Variants in CSMD1 observed in about 807,000 individuals in gnomAD.
CSMD1 encodes CUB and sushi domain-containing protein 1.
CSMD1 carries 213 observed loss-of-function variants against 417.5 expected under a neutral mutation model. The observed-to-expected ratio is 0.51, with a 90% confidence interval of 0.46 to 0.57. CSMD1 has a LOEUF of 0.57. Ranked by LOEUF, CSMD1 falls within the 20% of genes least tolerant of loss-of-function variation. The pLI, the probability that CSMD1 is intolerant of heterozygous loss-of-function variation, is 0.00. For missense variants in CSMD1, 6,923 were observed against 4,529.7 expected, an observed-to-expected ratio of 1.53 and a Z score of -15.17; for synonymous variants, 2,862 against 1,736.8, an observed-to-expected ratio of 1.65 and a Z score of -16.11.
intron 3 of CSMD1, among the ~76,000 whole-genome samples, chr8:4,160,655 T>G (rs145493242): frequency 6.6e-6 from 1 of 152,246 alleles, no homozygotes; most frequent in East Asian, 1.9e-4. Context: ...TGTACTTGTG[T>G]GTGCACAGAC....
chr8:4,138,817 C>T (rs1803598072), intron 3 of CSMD1, among the ~76,000 whole-genome samples: 1 of 151,806 alleles, frequency 6.6e-6, no homozygotes. Context: ...TATTTTTTTG[C>T]CCCTGAGGCA....
intron 3 of CSMD1, among the ~76,000 whole-genome samples, chr8:4,352,819 G>A (rs760406983): frequency 1.3e-5 from 2 of 152,142 alleles, no homozygotes; most frequent in Non-Finnish European, 2.9e-5. Context: ...TTTCAAGATG[G>A]TTCAAACGAA....
rs547852449 is a variant in CSMD1, at chr8:3,469,893, G to C, written c.1449-1069C>G. Among the ~76,000 whole-genome samples, 22 of 152,322 alleles carry C rather than the reference G, an allele frequency of 1.4e-4. No homozygotes were observed. In the South Asian group the frequency reaches 4.6e-3, roughly 32 times the overall value. ...AACTAAATATGTATTTCTTTCTGAA[G>C]ATTTGTCTTCGTTGGCAACATTGTT... is the stretch of plus-strand genomic sequence containing the variant. On this transcript the variant is annotated intron_variant, in intron 11 of 69. Coordinates refer to ENST00000635120, the MANE Select transcript of CSMD1 (RefSeq NM_033225.6).
chr8:3,510,535 G>C lies in CSMD1; in HGVS notation c.1345-16809C>G, dbSNP rs184095363. Among the ~76,000 whole-genome samples, 4 of 151,884 alleles carry C rather than the reference G, an allele frequency of 2.6e-5. No individual in the cohort carries two copies. The East Asian group carries it at 7.7e-4, about 29-fold the overall frequency. ...AAAATCTTAGAAGGTCTTTAAAGAG[G>C]TCAAATGAAGCAACATTTGTCACTT... On this transcript the variant is annotated intron_variant, in intron 10 of 69. Coordinates refer to ENST00000635120, the MANE Select transcript of CSMD1 (RefSeq NM_033225.6).
At chr8:4,131,611 TGAG>T (rs1474711815) in intron 3 of CSMD1, among the ~76,000 whole-genome samples, 3 of 152,164 alleles carry the variant, frequency 2.0e-5, no homozygotes, top group African/African-American at 7.2e-5. Flanking sequence ...GTTTTACACT[TGAG>T]AATAGGTACA....
chr8:4,129,563 A>G (rs1321831688), intron 3 of CSMD1, among the ~76,000 whole-genome samples: 1 of 134,716 alleles, frequency 7.4e-6, no homozygotes, highest in African/African-American at 2.8e-5. Context: ...AGAATATTTT[A>G]GGTTATTTAC....
At chr8:4,108,303 A>C (rs1028647423) in intron 3 of CSMD1, among the ~76,000 whole-genome samples, 1 of 152,166 alleles carries the variant, frequency 6.6e-6, no homozygotes, top group Non-Finnish European at 1.5e-5. Flanking sequence ...CAGTAAACTC[A>C]TATGACAATT....
At position 4,005,995 on chromosome 8, in the gene CSMD1, G is replaced by A. The variant is rs188393017; in HGVS notation, c.611-7885C>T. Among the ~76,000 whole-genome samples, 493 of 152,276 alleles carry A rather than the reference G, an allele frequency of 3.2e-3. 4 individuals carry two copies. Among genetic ancestry groups the A allele is most frequent in the Non-Finnish European group, 4.8e-3 (329 of 68,024 alleles). On this transcript the variant is annotated intron_variant, in intron 4 of 69. Transcript: ENST00000635120. ...AACTAATTCTCTACTAGAATGAGCA[G>A]AGAAGGGTTTTCTGAAAACACAATA... is the stretch of plus-strand genomic sequence containing the variant.
chr8:3,029,569 C>A (rs1015676408), intron 50 of CSMD1, 56 bp from the exon 51 acceptor site: 1 of 1,470,060 alleles, frequency 6.8e-7, no homozygotes, highest in East Asian at 2.5e-5. Flanking sequence ...AACATCAGAC[C>A]GTGCTTGCTT....
In CSMD1 at chr8:3,211,084, G is replaced by A. The variant is rs568189750; in HGVS notation, c.4867+3413C>T. Among the ~76,000 whole-genome samples, 10 of 152,224 alleles carry A rather than the reference G, an allele frequency of 6.6e-5. No individual in the cohort carries two copies. The South Asian group carries it at 2.1e-3, about 32-fold the overall frequency. On this transcript the variant is annotated intron_variant, in intron 30 of 69. Coordinates refer to ENST00000635120, the MANE Select transcript of CSMD1 (RefSeq NM_033225.6). ...TCTTGAGATAAGGTATTGCCCTGTT[G>A]CCCAGGCTGGAGTGCAGTGATCCAG...
At position 3,586,129 on chromosome 8, in the gene CSMD1, GC is replaced by G; in HGVS notation, c.1222+6del. The stretch of plus-strand genomic sequence containing the variant: ...AATCCAGGCTTTACCCACCGCAGGT[GC>G]CTTACCTCGGCAGATGGGCCTGTGG... On this transcript the variant is annotated splice_donor_region_variant and intron_variant, in intron 9 of 69. Coordinates refer to ENST00000635120, the MANE Select transcript of CSMD1 (RefSeq NM_033225.6). The G allele has an allele frequency of 1.2e-6, 2 of 1,609,806 alleles. No homozygotes were observed. Among genetic ancestry groups the G allele is most frequent in the Non-Finnish European group, 8.5e-7 (1 of 1,178,482 alleles).
chr8:3,194,222 G>A (rs1435584629), intron 33 of CSMD1, among the ~76,000 whole-genome samples: 1 of 151,974 alleles, frequency 6.6e-6, no homozygotes, highest in African/African-American at 2.4e-5. Context: ...AACCAACTAA[G>A]CCATATAATT....
chr8:4,455,057 A>C (rs1023048434), intron 2 of CSMD1, among the ~76,000 whole-genome samples: 4 of 152,174 alleles, frequency 2.6e-5, no homozygotes, highest in African/African-American at 9.7e-5. Flanking sequence ...CACCATGTTT[A>C]GGCTGGGAAA....
In CSMD1 at chr8:4,138,617, TAAAC is replaced by T. The variant is rs555009604; in HGVS notation, c.416-106522_416-106519del. On this transcript the variant is annotated intron_variant, in intron 3 of 69. Coordinates refer to ENST00000635120, the MANE Select transcript of CSMD1 (RefSeq NM_033225.6). Reference sequence around the variant, plus strand: ...TTCAAGAAAGCAAAACAAAAAAAATTAAACAAAGGAAAAAACATCTCTTAAGGTT... The same window carrying T: ...TTCAAGAAAGCAAAACAAAAAAAATTAAAGGAAAAAACATCTCTTAAGGTT... Among the ~76,000 whole-genome samples the T allele has an allele frequency of 4.7e-4, 64 of 135,162 alleles. 2 individuals carry two copies. The highest frequency in any genetic ancestry group is 4.2e-3 in the East Asian group (21 of 5,052). The allele number at this position is 135,162 out of a possible 152,430, so 88.7% of individuals were successfully genotyped here.
intron 23 of CSMD1, among the ~76,000 whole-genome samples, chr8:3,336,492 T>C (rs188351192): frequency 1.3e-4 from 20 of 152,344 alleles, no homozygotes; most frequent in African/African-American, 4.6e-4. Context: ...AAGTAAACTA[T>C]TATTGTCCCT....
chr8:4,111,867 C>T (rs1227492398), intron 3 of CSMD1, among the ~76,000 whole-genome samples: 1 of 152,102 alleles, frequency 6.6e-6, no homozygotes, highest in Non-Finnish European at 1.5e-5. Flanking sequence ...ACCAACATGG[C>T]ACATGTTTAC....
intron 3 of CSMD1, among the ~76,000 whole-genome samples, chr8:4,178,753 G>A (rs2460375): frequency 0.98 from 149,529 of 152,236 alleles, 73,487 homozygotes; most frequent in Middle Eastern, 1. Flanking sequence ...CAAAATCAAT[G>A]TACAAAAATT....
chr8:4,013,874 T>A (rs1476076958), intron 4 of CSMD1, among the ~76,000 whole-genome samples: 1 of 152,266 alleles, frequency 6.6e-6, no homozygotes, highest in East Asian at 1.9e-4. Context: ...AAAACAGAGA[T>A]CATATGACAT....
rs971137180 is a variant in CSMD1, at chr8:3,119,403, A to C, written c.6242-816T>G. Among the ~76,000 whole-genome samples the C allele has an allele frequency of 7.2e-4, 106 of 147,728 alleles. 2 individuals carry two copies. The highest frequency in any genetic ancestry group is 2.6e-3 in the African/African-American group (105 of 40,420). ...TTTTTCTAAAAAAAAAAAAAAAAAA[A>C]AAAAAAAAACACTGTATAATCCCTA... is the stretch of plus-strand genomic sequence containing the variant. On this transcript the variant is annotated intron_variant, in intron 41 of 69. Coordinates refer to ENST00000635120, the MANE Select transcript of CSMD1 (RefSeq NM_033225.6).
Sources: gnomAD v4.1 joint callset for allele counts (sites outside exome capture counted in the v4.1 genomes callset) on GRCh38, gnomAD v4.1.1 for gene constraint, MANE v1.5 for transcripts, NCBI Gene and HGNC (gene_info 2026-07-23, HGNC 2026-07-21) for gene names.